Variants in TBX15 observed in about 807,000 individuals in gnomAD.
The protein encoded by TBX15 is T-box transcription factor 15.
A neutral mutation model predicts 53.9 loss-of-function variants in TBX15; 18 were observed. That is an observed-to-expected ratio of 0.33 (90% confidence interval 0.23 to 0.49). The LOEUF (loss-of-function observed/expected upper bound fraction) is 0.49. Ranked by LOEUF, TBX15 falls within the 20% of genes least tolerant of loss-of-function variation. The probability of loss-of-function intolerance (pLI) is 0.98; values close to 1 mark genes in which losing one functional copy is unlikely to be tolerated. For missense variants in TBX15, 692 were observed against 749.5 expected (o/e 0.92, Z 0.90); for synonymous variants, 295 against 278.0 (o/e 1.06, Z -0.61).
intron 7 of TBX15, among the ~76,000 whole-genome samples, chr1:118,897,108 T>A (rs1460056697): frequency 1.3e-5 from 2 of 152,174 alleles, no homozygotes; most frequent in Non-Finnish European, 2.9e-5. Context: ...TACTGGTAAA[T>A]TTTTAGTATA....
chr1:118,931,158 A>C (rs1489287667), intron 2 of TBX15, among the ~76,000 whole-genome samples: 1 of 152,250 alleles, frequency 6.6e-6, no homozygotes, highest in Non-Finnish European at 1.5e-5. Flanking sequence ...TCAATGATAA[A>C]ACACAATGGA....
At chr1:118,975,150 A>G (rs996769848) in intron 1 of TBX15, among the ~76,000 whole-genome samples, 1 of 152,218 alleles carries the variant, frequency 6.6e-6, no homozygotes, top group Non-Finnish European at 1.5e-5. Flanking sequence ...ATAAAATTCA[A>G]TATGTAGTCA....
chr1:118,960,869 T>G (rs1656849894), intron 1 of TBX15, among the ~76,000 whole-genome samples: 1 of 152,154 alleles, frequency 6.6e-6, no homozygotes, highest in Admixed American at 6.5e-5. Flanking sequence ...CAAAGTGCAA[T>G]TTAATCATCC....
rs188146808 is a variant in TBX15, at chr1:118,931,997, T to A, written c.206-165A>T. Among the ~76,000 whole-genome samples the A allele has an allele frequency of 2.0e-5, 3 of 152,166 alleles. No individual in the cohort carries two copies. In the East Asian group the frequency reaches 5.8e-4, roughly 29 times the overall value. ...GCACAGCACTCAGGGTATTTTATTA[T>A]TTTTTATGGTTTGTTTTTGTGATTT... On this transcript the variant is annotated intron_variant, in intron 1 of 7. Transcript: ENST00000369429.
chr1:118,980,835 T>A (rs1212024031), intron 1 of TBX15, among the ~76,000 whole-genome samples: 1 of 152,112 alleles, frequency 6.6e-6, no homozygotes, highest in Non-Finnish European at 1.5e-5. Context: ...GGTGCTTTTT[T>A]TTTTCCTTCT....
At chr1:118,979,667 G>A (rs1657576250) in intron 1 of TBX15, among the ~76,000 whole-genome samples, 1 of 152,104 alleles carries the variant, frequency 6.6e-6, no homozygotes, top group Non-Finnish European at 1.5e-5. Flanking sequence ...TTTTTTGGGG[G>A]GTGTCTTTCA....
rs146331139 is a variant in TBX15 at position 118,934,995 on chromosome 1, G to A, written c.206-3163C>T. Among the ~76,000 whole-genome samples, 8 of 152,070 alleles carry A rather than the reference G, an allele frequency of 5.3e-5. No individual in the cohort carries two copies. The East Asian group carries it at 1.5e-3, about 29-fold the overall frequency. On this transcript the variant is annotated intron_variant, in intron 1 of 7. Coordinates refer to ENST00000369429, the MANE Select transcript of TBX15 (RefSeq NM_001330677.2). Reference sequence around the variant, plus strand: ...CATATGCAATCTTCTATTCTCAATTGTTTCTTAAATATTATAATCTTGAAA... The same window carrying A: ...CATATGCAATCTTCTATTCTCAATTATTTCTTAAATATTATAATCTTGAAA...
chr1:118,917,988 C>T (rs1031274033), intron 5 of TBX15, among the ~76,000 whole-genome samples: 13 of 152,154 alleles, frequency 8.5e-5, no homozygotes, highest in Admixed American at 2.0e-4. Flanking sequence ...CTGGAATGTG[C>T]CAAGCTCTTT....
At chr1:118,981,654 A>G (rs1206238521) in intron 1 of TBX15, among the ~76,000 whole-genome samples, 2 of 152,222 alleles carry the variant, frequency 1.3e-5, no homozygotes, top group Non-Finnish European at 2.9e-5. Context: ...AGAAATGTTG[A>G]TTGGTCCTCA....
intron 1 of TBX15, among the ~76,000 whole-genome samples, chr1:118,957,668 G>C (rs578040384): frequency 6.6e-5 from 10 of 152,206 alleles, no homozygotes; most frequent in African/African-American, 2.4e-4. Flanking sequence ...TCCCCTTCCT[G>C]TGTCTATGTG....
At chr1:118,926,472 G>C (rs1371523354) in intron 3 of TBX15, 38 bp downstream of exon 3, 1 of 1,555,446 alleles carries the variant, frequency 6.4e-7, no homozygotes, top group Admixed American at 1.7e-5. Context: ...TGGAATGCTG[G>C]TGATACCCAC....
chr1:118,887,415 C>T (rs1001683520), intron 7 of TBX15, among the ~76,000 whole-genome samples: 2 of 152,176 alleles, frequency 1.3e-5, no homozygotes, highest in African/African-American at 2.4e-5. Context: ...TGGCTCATGC[C>T]TGTAATCCTA....
intron 1 of TBX15, among the ~76,000 whole-genome samples, chr1:118,969,476 A>C (rs1657161880): frequency 6.6e-6 from 1 of 152,258 alleles, no homozygotes; most frequent in Non-Finnish European, 1.5e-5. Flanking sequence ...GCAGTTCAGC[A>C]TCTGAAGAGA....
chr1:118,959,630 G>A (rs1372006716), intron 1 of TBX15, among the ~76,000 whole-genome samples: 1 of 152,158 alleles, frequency 6.6e-6, no homozygotes, highest in African/African-American at 2.4e-5. Flanking sequence ...AAAATATAGA[G>A]CTTTGTTCTC....
chr1:118,936,282 A>C (rs1195798396), intron 1 of TBX15, among the ~76,000 whole-genome samples: 1 of 152,210 alleles, frequency 6.6e-6, no homozygotes, highest in Non-Finnish European at 1.5e-5. Flanking sequence ...GTTACCATAC[A>C]TAGAAAATGC....
chr1:118,920,748 G>A (rs1456688100), intron 5 of TBX15, among the ~76,000 whole-genome samples: 1 of 152,132 alleles, frequency 6.6e-6, no homozygotes, highest in Non-Finnish European at 1.5e-5. Context: ...AAGGTTGGGG[G>A]AAGGCAGGAA....
At chr1:118,922,856 T>C (rs556523603) in intron 5 of TBX15, among the ~76,000 whole-genome samples, 3 of 152,200 alleles carry the variant, frequency 2.0e-5, no homozygotes, top group Non-Finnish European at 4.4e-5. Flanking sequence ...GGCAGTAGAA[T>C]GTTTGTTCTT....
chr1:118,956,688 C>G (rs1390191183), intron 1 of TBX15, among the ~76,000 whole-genome samples: 1 of 152,090 alleles, frequency 6.6e-6, no homozygotes, highest in Non-Finnish European at 1.5e-5. Context: ...CGCAGTGGCT[C>G]ATGCCTGTAA....
intron 1 of TBX15, among the ~76,000 whole-genome samples, chr1:118,968,205 G>A (rs1025605710): frequency 5.9e-5 from 9 of 151,968 alleles, no homozygotes; most frequent in Admixed American, 5.2e-4. Flanking sequence ...CAAAATCATC[G>A]GAGGACTTTT....
Sources: allele counts gnomAD v4.1 joint callset (sites outside exome capture counted in the v4.1 genomes callset), GRCh38; gene constraint gnomAD v4.1.1; transcripts MANE v1.5; gene names NCBI Gene and HGNC (gene_info 2026-07-23, HGNC 2026-07-21).